PDE1C: variants seen among roughly 807,000 people sequenced by gnomAD.
PDE1C encodes the protein dual specificity calcium/calmodulin-dependent 3',5'-cyclic nucleotide phosphodiesterase 1C.
In PDE1C, 62 loss-of-function variants were observed where a neutral mutation model predicts 93.1. The observed-to-expected ratio is 0.67, with a 90% CI of 0.54 to 0.82. The LOEUF is 0.82. Among genes scored for constraint, PDE1C ranks in the 40% least tolerant of loss-of-function variants. The probability of loss-of-function intolerance (pLI) is 0.00; values close to 1 mark genes in which losing one functional copy is unlikely to be tolerated. For synonymous variants in PDE1C, 325 were observed against 310.1 expected, an observed-to-expected ratio of 1.05 and a Z score of -0.50; for missense variants, 742 against 884.6, an observed-to-expected ratio of 0.84 and a Z score of 2.04.
the PDE1C span, among the ~76,000 whole-genome samples, chr7:31,702,814 C>T: frequency 2.0e-5 from 3 of 152,168 alleles, no homozygotes; most frequent in Non-Finnish European, 2.9e-5. Flanking sequence ...GATGTTTTAT[C>T]TGGCAATCAC....
chr7:32,359,573 G>A (rs215701), intron 1 of PDE1C, among the ~76,000 whole-genome samples: 150,737 of 152,348 alleles, frequency 0.99, 74,580 homozygotes, highest in Middle Eastern at 1. Flanking sequence ...CATTTATTGA[G>A]TGAATAAACA....
intron 2 of PDE1C, among the ~76,000 whole-genome samples, chr7:31,972,334 C>T (rs1811077121): frequency 6.6e-6 from 1 of 152,190 alleles, no homozygotes. Flanking sequence ...ACACAGGTTG[C>T]AAACCCTATC....
intron 1 of PDE1C, among the ~76,000 whole-genome samples, chr7:32,252,397 G>A (rs1466479583): frequency 1.3e-5 from 2 of 152,192 alleles, no homozygotes; most frequent in Non-Finnish European, 2.9e-5. Flanking sequence ...ATTTGTTGAT[G>A]ATTTTGTAAA....
intron 3 of PDE1C, among the ~76,000 whole-genome samples, chr7:32,149,998 G>A (rs1458210762): frequency 1.3e-5 from 2 of 152,172 alleles, no homozygotes; most frequent in Admixed American, 6.6e-5. Context: ...CTATCTCTAA[G>A]TTGTTGATCT....
At chr7:31,838,512 A>G (rs1243416391) in intron 9 of PDE1C, among the ~76,000 whole-genome samples, 2 of 152,180 alleles carry the variant, frequency 1.3e-5, no homozygotes, top group Non-Finnish European at 2.9e-5. Context: ...CTAGTGAATC[A>G]ATATTGATAC....
chr7:32,252,550 G>A (rs1394656376), intron 1 of PDE1C, among the ~76,000 whole-genome samples: 4 of 152,188 alleles, frequency 2.6e-5, no homozygotes, highest in Non-Finnish European at 4.4e-5. Flanking sequence ...GGGCAGGCAA[G>A]GAGGAGGCAT....
At chr7:32,270,808 G>A (rs1810906764) in intron 1 of PDE1C, among the ~76,000 whole-genome samples, 1 of 152,030 alleles carries the variant, frequency 6.6e-6, no homozygotes, top group Admixed American at 6.6e-5. Context: ...TTGTGCCTCT[G>A]TTTCCTCCAA....
chr7:31,847,392 C>T (rs1223327809), intron 9 of PDE1C, among the ~76,000 whole-genome samples: 2 of 151,984 alleles, frequency 1.3e-5, no homozygotes, highest in African/African-American at 4.8e-5. Flanking sequence ...ATTAAGTGTA[C>T]ATAATTTTTT....
intron 2 of PDE1C, among the ~76,000 whole-genome samples, chr7:32,189,672 T>C (rs773287412): frequency 6.6e-6 from 1 of 152,210 alleles, no homozygotes; most frequent in Non-Finnish European, 1.5e-5. Flanking sequence ...ATCTGAGTCA[T>C]GTTTAAATGG....
chr7:32,055,500 A>C (rs1584627038), intron 1 of PDE1C, among the ~76,000 whole-genome samples: 1 of 152,334 alleles, frequency 6.6e-6, no homozygotes, highest in South Asian at 2.1e-4. Context: ...TTCAAAGAAA[A>C]TTAAGGAATG....
intron 1 of PDE1C, among the ~76,000 whole-genome samples, chr7:32,424,452 T>C (rs961939032): frequency 1.2e-4 from 19 of 152,160 alleles, no homozygotes; most frequent in African/African-American, 3.6e-4. Context: ...CCTCTGACCA[T>C]AGCTGGAACA....
Position 32,259,835 on chromosome 7 carries a change from C to T in PDE1C, c.85+38816G>A, listed in dbSNP as rs1810073565. ...CCCACGAGCCCCTCCTGCCCCCAAG[C>T]AGGTGATGAATGGGTTTACTTTGCA... On this transcript the variant is annotated intron_variant, in intron 1 of 18. Coordinates refer to the PDE1C transcript ENST00000396193. Among the ~76,000 whole-genome samples, 5 of 152,154 alleles carry T rather than the reference C, an allele frequency of 3.3e-5. No individual in the cohort carries two copies. In the South Asian group the frequency reaches 1.0e-3, roughly 32 times the overall value.
intron 2 of PDE1C, among the ~76,000 whole-genome samples, chr7:31,938,145 A>G (rs4723117): frequency 0.43 from 64,762 of 151,572 alleles, 15,659 homozygotes; most frequent in Non-Finnish European, 0.54. Context: ...GTGTAGATAC[A>G]ATCTAGGGCC....
At chr7:31,861,492 G>A (rs1272821849) in intron 7 of PDE1C, among the ~76,000 whole-genome samples, 4 of 151,898 alleles carry the variant, frequency 2.6e-5, no homozygotes, top group Admixed American at 2.0e-4. Context: ...GTAAATGGAT[G>A]TCTACTACGG....
the PDE1C span, among the ~76,000 whole-genome samples, chr7:31,673,986 C>A: frequency 2.6e-5 from 4 of 152,124 alleles, no homozygotes; most frequent in Non-Finnish European, 2.9e-5. Context: ...GCATTTCATT[C>A]ACAAAAGCTT....
upstream of PDE1C, among the ~76,000 whole-genome samples, chr7:32,303,278 A>G (rs1812920413): frequency 6.6e-6 from 1 of 152,174 alleles, no homozygotes; most frequent in Non-Finnish European, 1.5e-5. Context: ...CTAATCTACC[A>G]AACAGACTCC....
At chr7:32,190,204 A>G (rs1224510355) in intron 2 of PDE1C, among the ~76,000 whole-genome samples, 1 of 152,226 alleles carries the variant, frequency 6.6e-6, no homozygotes, top group Non-Finnish European at 1.5e-5. Context: ...TAAGAATTTC[A>G]TTAGGGCCCC....
chr7:31,766,617 T>A (rs1302324657), intron 17 of PDE1C, among the ~76,000 whole-genome samples: 2 of 152,232 alleles, frequency 1.3e-5, no homozygotes, highest in Admixed American at 6.5e-5. Flanking sequence ...GAATTTGGTA[T>A]TTATCATTGC....
chr7:31,786,136 T>C (rs76702150), intron 16 of PDE1C: 1 of 152,220 alleles, frequency 6.6e-6, no homozygotes, highest in African/African-American at 2.4e-5. Flanking sequence ...ATGCTGCACA[T>C]AGAGAATCTA....
Sources: allele counts gnomAD v4.1 joint callset (sites outside exome capture counted in the v4.1 genomes callset), GRCh38; gene constraint gnomAD v4.1.1; transcripts MANE v1.5; gene names NCBI Gene and HGNC (gene_info 2026-07-23, HGNC 2026-07-21).